The following MRPS35 variants were observed in gnomAD, a reference collection of about 807,000 sequenced individuals.
The protein encoded by MRPS35 is mitochondrial ribosomal protein S35, also known as small ribosomal subunit protein mS35.
In MRPS35, 29 loss-of-function variants were observed where a neutral mutation model predicts 32.7. That is an observed-to-expected ratio of 0.89 (90% CI 0.66 to 1.21). The LOEUF is 1.21. Among genes scored for constraint, MRPS35 ranks in the 50% most tolerant of loss-of-function variants. The probability of loss-of-function intolerance (pLI) is 0.00; values close to 1 mark genes in which losing one functional copy is unlikely to be tolerated. For synonymous variants in MRPS35, 148 were observed against 139.3 expected (o/e 1.06, Z -0.44); for missense variants, 373 against 383.8 (o/e 0.97, Z 0.23).
intron 3 of MRPS35, among the ~76,000 whole-genome samples, chr12:27,716,972 T>C (rs1157259996): frequency 6.6e-6 from 1 of 151,808 alleles, no homozygotes; most frequent in Non-Finnish European, 1.5e-5. Context: ...GCCTGGGCGA[T>C]AGAGTGAGAC....
At position 27,714,960 on chromosome 12, in the gene MRPS35, A is replaced by G. The variant is rs952882679; in HGVS notation, c.153+140A>G. 1.0e-4 allele frequency: 70 copies of G among 690,906 alleles called. 2 individuals are homozygous for G. The highest frequency in any genetic ancestry group is 1.1e-4 in the Non-Finnish European group (47 of 408,736). 42.8% of individuals were successfully genotyped at this position (690,906 alleles called of 1,614,324 possible). On this transcript the variant is annotated intron_variant, in intron 2 of 7. Transcript: ENST00000081029. ...ACTGGGTGATTGCCATAGCCCTGGC[A>G]GAGGTTAGTCTTTGTTTTTTGTCAG...
chr12:27,733,664 C>T (rs2061931344), intron 5 of MRPS35, among the ~76,000 whole-genome samples: 2 of 151,958 alleles, frequency 1.3e-5, no homozygotes, highest in Non-Finnish European at 2.9e-5. Context: ...AAAAATTCTT[C>T]ATATTGGTTT....
At chr12:27,731,940 A>C (rs1290139929) in intron 5 of MRPS35, among the ~76,000 whole-genome samples, 1 of 152,232 alleles carries the variant, frequency 6.6e-6, no homozygotes, top group Non-Finnish European at 1.5e-5. Flanking sequence ...TTAAATACAC[A>C]ACAATATACT....
At chr12:27,732,128 T>G (rs2061924386) in intron 5 of MRPS35, among the ~76,000 whole-genome samples, 1 of 152,226 alleles carries the variant, frequency 6.6e-6, no homozygotes, top group Admixed American at 6.5e-5. Context: ...ATAATAATGG[T>G]AACAACTACA....
At chr12:27,713,934 C>T (rs940194805) in intron 1 of MRPS35, among the ~76,000 whole-genome samples, 38 of 151,604 alleles carry the variant, frequency 2.5e-4, no homozygotes, top group East Asian at 3.9e-4. Flanking sequence ...AAGAATTAGC[C>T]GGGTGTGCTC....
chr12:27,719,718 T>G, intron 3 of MRPS35, 90 bp from the exon 4 acceptor site: 1 of 805,520 alleles, frequency 1.2e-6, no homozygotes. Flanking sequence ...CATGTTTTAT[T>G]GGGCCTGTGA....
rs756811920 is a variant in MRPS35, at chr12:27,724,222, A to C, written c.522+36A>C. The C allele has an allele frequency of 4.7e-6, 7 of 1,492,654 alleles. No homozygotes were observed. In the South Asian group the frequency reaches 8.0e-5, roughly 17 times the overall value. The allele number at this position is 1,492,654 out of a possible 1,614,324, so 92.5% of individuals were successfully genotyped here. On this transcript the variant is annotated intron_variant, in intron 5 of 7. Coordinates refer to ENST00000081029, the MANE Select transcript of MRPS35 (RefSeq NM_021821.4). ...TTTTCATTTTTTTTTTTTAAATAAGAATCATTCTAATACATTATTTAAAGA... is the reference window on the plus strand; with the variant it reads ...TTTTCATTTTTTTTTTTTAAATAAGCATCATTCTAATACATTATTTAAAGA...
intron 5 of MRPS35, among the ~76,000 whole-genome samples, chr12:27,732,081 A>G (rs2061924214): frequency 6.6e-6 from 1 of 152,234 alleles, no homozygotes; most frequent in Non-Finnish European, 1.5e-5. Flanking sequence ...CCACAGGTTC[A>G]TATTTTTAAG....
At position 27,735,536 on chromosome 12, in the gene MRPS35, G is replaced by T; in HGVS notation, c.612G>T (p.Val204=). The stretch of plus-strand genomic sequence containing the variant: ...AGCGATACTGCAAGACCACAGATGT[G>T]CTTACCATCAAAACAGATAGGTAAT... ...VGERYCKTTD[V]LTIKTDRCPL... is the part of the protein sequence containing the mutation. The change falls in exon 6 of 8, where the codon GTG becomes GTT. Residue 204 remains valine, a synonymous_variant. Transcript: ENST00000081029. 1 of 1,611,002 alleles carries T rather than the reference G, an allele frequency of 6.2e-7. No individual in the cohort carries two copies. Among genetic ancestry groups the T allele is most frequent in the Non-Finnish European group, 8.5e-7 (1 of 1,178,806 alleles).
chr12:27,726,742 C>T (rs2061902237), intron 5 of MRPS35, among the ~76,000 whole-genome samples: 1 of 151,968 alleles, frequency 6.6e-6, no homozygotes, highest in East Asian at 1.9e-4. Flanking sequence ...CCCTAATAAC[C>T]ATCTTTTCAT....
intron 1 of MRPS35, among the ~76,000 whole-genome samples, chr12:27,712,830 A>C (rs534664953): frequency 6.6e-6 from 1 of 152,320 alleles, no homozygotes; most frequent in East Asian, 1.9e-4. Flanking sequence ...CAGCCTGGGC[A>C]ACATGGCGGA....
intron 3 of MRPS35, among the ~76,000 whole-genome samples, chr12:27,717,295 ATT>A (rs905231796): frequency 1.3e-5 from 2 of 152,146 alleles, no homozygotes; most frequent in African/African-American, 4.8e-5. Flanking sequence ...AGGAATTTAA[ATT>A]TTTTCTGTCC....
At chr12:27,739,297 C>CA (rs1415377406) in intron 7 of MRPS35, among the ~76,000 whole-genome samples, 3 of 151,544 alleles carry the variant, frequency 2.0e-5, no homozygotes, top group South Asian at 2.1e-4. Flanking sequence ...TGAAGATAGG[C>CA]AAAAAAAATA....
chr12:27,740,637 ATTTTATGTAGCTTG>A (rs1420002614), intron 7 of MRPS35, among the ~76,000 whole-genome samples: 1 of 152,170 alleles, frequency 6.6e-6, no homozygotes, highest in Non-Finnish European at 1.5e-5. Context: ...GTAGCTGCTA[ATTTTATGTAGCTTG>A]TAGTACTGAA....
chr12:27,750,532 G>A (rs1017961004), intron 7 of MRPS35, among the ~76,000 whole-genome samples: 1 of 152,188 alleles, frequency 6.6e-6, no homozygotes, highest in Non-Finnish European at 1.5e-5. Flanking sequence ...GCTGGGCACA[G>A]TGGCTCACAC....
chr12:27,730,704 C>T (rs1190404760), intron 5 of MRPS35, among the ~76,000 whole-genome samples: 1 of 152,156 alleles, frequency 6.6e-6, no homozygotes, highest in African/African-American at 2.4e-5. Context: ...CTCCTGGGCT[C>T]AAGTGATACT....
In MRPS35 at chr12:27,755,330, T is replaced by C. The variant is rs1425297365; in HGVS notation, c.852T>C (p.Leu284=). ...KNMEINKEEL[L]GTKEIEEYKK... is the part of the protein sequence containing the mutation. ...TGGAAATAAATAAAGAAGAGCTCCT[T>C]GGTACTAAAGAAATTGAAGAGTACA... Residue 284 remains leucine, a synonymous_variant, in exon 8 of 8, where the codon CTT becomes CTC. Coordinates refer to ENST00000081029, the MANE Select transcript of MRPS35 (RefSeq NM_021821.4). 2 of 1,611,532 alleles carry C rather than the reference T, an allele frequency of 1.2e-6. No individual in the cohort carries two copies. Among genetic ancestry groups the C allele is most frequent in the African/African-American group, 2.7e-5 (2 of 74,730 alleles).
intron 7 of MRPS35, among the ~76,000 whole-genome samples, chr12:27,751,144 GAAAAGAA>G (rs1456034641): frequency 1.4e-5 from 2 of 144,996 alleles, no homozygotes; most frequent in Non-Finnish European, 3.1e-5. Context: ...AAAGAAAAAG[GAAAAGAA>G]AAAAGAAAAT....
chr12:27,749,563 C>T (rs537873911), intron 7 of MRPS35, among the ~76,000 whole-genome samples: 37 of 152,188 alleles, frequency 2.4e-4, no homozygotes, highest in African/African-American at 8.2e-4. Flanking sequence ...CATTTACCTT[C>T]GAAGTTTTAG....
Sources: gnomAD v4.1 joint callset for allele counts (sites outside exome capture counted in the v4.1 genomes callset) on GRCh38, gnomAD v4.1.1 for gene constraint, MANE v1.5 for transcripts, NCBI Gene and HGNC (gene_info 2026-07-23, HGNC 2026-07-21) for gene names.